Variants in UVRAG observed in about 807,000 individuals in gnomAD.
UVRAG encodes UV radiation resistance-associated gene protein.
UVRAG carries 19 observed loss-of-function variants against 78.0 expected under a neutral mutation model. The ratio of observed to expected loss-of-function variants is 0.24; its 90% CI spans 0.17 to 0.36. The LOEUF (loss-of-function observed/expected upper bound fraction) is 0.36. Among genes scored for constraint, UVRAG ranks in the 10% least tolerant of loss-of-function variants. The pLI, the probability that UVRAG is intolerant of heterozygous loss-of-function variation, is 1.00. For synonymous variants in UVRAG, 323 were observed against 324.6 expected, an observed-to-expected ratio of 1.00 and a Z score of 0.05; for missense variants, 740 against 853.8, an observed-to-expected ratio of 0.87 and a Z score of 1.66.
chr11:76,086,530 G>A (rs1166089851), intron 13 of UVRAG, among the ~76,000 whole-genome samples: 1 of 152,100 alleles, frequency 6.6e-6, no homozygotes, highest in African/African-American at 2.4e-5. Flanking sequence ...TTGATGGCTT[G>A]TTAACATGAT....
In UVRAG at chr11:75,834,170, G is replaced by A. The variant is rs150603887; in HGVS notation, c.118-17713G>A. On this transcript the variant is annotated intron_variant, in intron 1 of 14. Coordinates refer to ENST00000356136, the MANE Select transcript of UVRAG (RefSeq NM_003369.4). ...TCTAGGGTAGGTATTACATTTAGCCGTTGTGTCTCTAATGTAGAACATTTC... is the reference window on the plus strand; with the variant it reads ...TCTAGGGTAGGTATTACATTTAGCCATTGTGTCTCTAATGTAGAACATTTC... 1.9e-3 allele frequency among the ~76,000 whole-genome samples: 294 copies of A among 152,022 alleles called. 3 individuals carry two copies. Among genetic ancestry groups the A allele is most frequent in the Non-Finnish European group, 1.3e-3 (90 of 67,974 alleles).
At position 75,884,212 on chromosome 11, in the gene UVRAG, G is replaced by GTCTCTCTCTCTC. The variant is rs138821865; in HGVS notation, c.432+4188_432+4199dup. Among the ~76,000 whole-genome samples the GTCTCTCTCTCTC allele has an allele frequency of 3.6e-3, 526 of 144,152 alleles. 3 individuals carry two copies. The highest frequency in any genetic ancestry group is 0.013 in the African/African-American group (503 of 38,066). 94.6% of individuals were successfully genotyped at this position (144,152 alleles called of 152,430 possible). A position where few individuals can be genotyped will look rare whatever the true frequency, so the allele number is the denominator to read the frequency against. Reference sequence around the variant, plus strand: ...TAAGCAAAAAGTCTATTTGAGATCAGTCTCTCTCTCTCTCTCTCTCTCTCT... The same window carrying GTCTCTCTCTCTC: ...TAAGCAAAAAGTCTATTTGAGATCAGTCTCTCTCTCTCTCTCTCTCTCTCTCTCTCTCTCTCT... On this transcript the variant is annotated intron_variant, in intron 4 of 14. Transcript: ENST00000356136.
intron 12 of UVRAG, among the ~76,000 whole-genome samples, chr11:76,026,872 A>G (rs184844777): frequency 1.2e-4 from 18 of 152,238 alleles, no homozygotes; most frequent in Admixed American, 7.9e-4. Flanking sequence ...AATTTGACCT[A>G]ACTTGAAAAA....
intron 14 of UVRAG, among the ~76,000 whole-genome samples, chr11:76,138,710 CCAA>C (rs1445944513): frequency 1.3e-5 from 2 of 152,228 alleles, no homozygotes; most frequent in South Asian, 2.1e-4. Flanking sequence ...TAGCCACACA[CCAA>C]CAAGTCACCT....
chr11:76,140,070 C>T (rs1201451151), intron 14 of UVRAG, among the ~76,000 whole-genome samples: 6 of 12,258 alleles, frequency 4.9e-4, no homozygotes, highest in Non-Finnish European at 7.4e-4. Context: ...TCCCTCCCTC[C>T]CTCCCTCCCT....
rs556879662 is a variant in UVRAG, at chr11:76,021,107, C to T, written c.1226+4127C>T. ...TGCTGAAGGAGTGGGGAAGGGGCGG[C>T]GTCAGCAATTCAAGTCTGTCTTTCC... is the stretch of plus-strand genomic sequence containing the variant. On this transcript the variant is annotated intron_variant, in intron 12 of 14. Coordinates refer to ENST00000356136, the MANE Select transcript of UVRAG (RefSeq NM_003369.4). Among the ~76,000 whole-genome samples the T allele has an allele frequency of 3.9e-5, 6 of 152,228 alleles. No individual in the cohort carries two copies. In the South Asian group the frequency reaches 1.0e-3, roughly 26 times the overall value.
chr11:76,127,732 G>A (rs1028166533), intron 14 of UVRAG, among the ~76,000 whole-genome samples: 7 of 152,046 alleles, frequency 4.6e-5, no homozygotes, highest in Non-Finnish European at 8.8e-5. Context: ...CAAGGTGGGC[G>A]GATCACTTGA....
intron 13 of UVRAG, among the ~76,000 whole-genome samples, chr11:76,108,192 CAT>C (rs1591246478): frequency 1.3e-5 from 2 of 152,110 alleles, no homozygotes; most frequent in East Asian, 3.8e-4. Context: ...AGGGTGGGGA[CAT>C]GTGTGTGTGT....
chr11:76,106,095 T>C (rs1312607743), intron 13 of UVRAG, among the ~76,000 whole-genome samples: 1 of 152,188 alleles, frequency 6.6e-6, no homozygotes, highest in East Asian at 1.9e-4. Flanking sequence ...ACAACCCAGA[T>C]GTCCCTCAAC....
intron 1 of UVRAG, among the ~76,000 whole-genome samples, chr11:75,832,656 G>A (rs1372633747): frequency 2.0e-5 from 3 of 152,208 alleles, no homozygotes; most frequent in African/African-American, 7.2e-5. Flanking sequence ...ATCATTGGCT[G>A]TTGGTGATTA....
intron 13 of UVRAG, among the ~76,000 whole-genome samples, chr11:76,101,982 C>T (rs1479130844): frequency 6.6e-6 from 1 of 152,076 alleles, no homozygotes. Flanking sequence ...GTTATTGTAG[C>T]CCTGTGATAT....
At chr11:76,049,811 A>G (rs1950827537) in intron 12 of UVRAG, among the ~76,000 whole-genome samples, 1 of 152,240 alleles carries the variant, frequency 6.6e-6, no homozygotes, top group Admixed American at 6.5e-5. Context: ...AGCAACTACA[A>G]TACAGTGTCA....
At chr11:76,008,534 G>A (rs181672114) in intron 10 of UVRAG, among the ~76,000 whole-genome samples, 53 of 152,244 alleles carry the variant, frequency 3.5e-4, no homozygotes, top group South Asian at 6.2e-4. Flanking sequence ...TTATATATGT[G>A]AATGAAATAA....
At chr11:76,052,921 A>G (rs1344226487) in intron 12 of UVRAG, among the ~76,000 whole-genome samples, 1 of 150,514 alleles carries the variant, frequency 6.6e-6, no homozygotes, top group African/African-American at 2.4e-5. Flanking sequence ...ATATATAATA[A>G]ATATACTTTG....
At chr11:76,085,939 A>G (rs1246635206) in intron 13 of UVRAG, among the ~76,000 whole-genome samples, 1 of 152,130 alleles carries the variant, frequency 6.6e-6, no homozygotes, top group Non-Finnish European at 1.5e-5. Flanking sequence ...GCTGACACCC[A>G]GTGCCCTCAT....
chr11:75,996,460 A>G (rs933908366), intron 8 of UVRAG, among the ~76,000 whole-genome samples: 1 of 152,214 alleles, frequency 6.6e-6, no homozygotes, highest in Non-Finnish European at 1.5e-5. Flanking sequence ...TAACCGAAGT[A>G]TATAGAGGAT....
intron 13 of UVRAG, among the ~76,000 whole-genome samples, chr11:76,114,317 G>T (rs1952135627): frequency 6.6e-6 from 1 of 152,108 alleles, no homozygotes; most frequent in Non-Finnish European, 1.5e-5. Context: ...GGTGATTTAG[G>T]TCACCAAGCT....
chr11:75,920,725 GAT>G (rs1565380452), intron 6 of UVRAG, among the ~76,000 whole-genome samples: 1 of 151,944 alleles, frequency 6.6e-6, no homozygotes, highest in Non-Finnish European at 1.5e-5. Context: ...ATATGTCATA[GAT>G]ATGATTTATA....
In UVRAG at chr11:75,903,549, G is replaced by A. The variant is rs575698135; in HGVS notation, c.508-8405G>A. ...TGCTTTGGCTAAAGGTGTTCAGTCT[G>A]TGTGGGACTTTCCTTCACTGCCATT... On this transcript the variant is annotated intron_variant, in intron 5 of 14. Coordinates refer to ENST00000356136, the MANE Select transcript of UVRAG (RefSeq NM_003369.4). 4.6e-4 allele frequency among the ~76,000 whole-genome samples: 70 copies of A among 152,332 alleles called. 1 individual carries two copies. The highest frequency in any genetic ancestry group is 1.6e-3 in the African/African-American group (65 of 41,570).
Sources: gnomAD v4.1 joint callset for allele counts (sites outside exome capture counted in the v4.1 genomes callset) on GRCh38, gnomAD v4.1.1 for gene constraint, MANE v1.5 for transcripts, NCBI Gene and HGNC (gene_info 2026-07-23, HGNC 2026-07-21) for gene names.